Variants in ADARB2 observed in about 807,000 individuals in gnomAD.
ADARB2 encodes inactive double-stranded RNA-specific editase B2.
Under a neutral mutation model 62.2 loss-of-function variants are expected in ADARB2, and 25 were observed. The ratio of observed to expected loss-of-function variants is 0.40; its 90% confidence interval spans 0.29 to 0.56. The LOEUF is 0.56. Among genes scored for constraint, ADARB2 ranks in the 20% least tolerant of loss-of-function variants. ADARB2 has a pLI of 0.43. For synonymous variants in ADARB2, 572 were observed against 500.8 expected (o/e 1.14, Z -1.90); for missense variants, 1,071 against 1,077.4 (o/e 0.99, Z 0.08).
intron 1 of ADARB2, among the ~76,000 whole-genome samples, chr10:1,532,082 G>A (rs1020208071): frequency 3.3e-5 from 5 of 152,302 alleles, no homozygotes; most frequent in Admixed American, 6.5e-5. Context: ...CACTGTCCCC[G>A]AAGAGGTAAT....
At chr10:1,267,579 C>T (rs1831217498) in intron 4 of ADARB2, among the ~76,000 whole-genome samples, 1 of 152,034 alleles carries the variant, frequency 6.6e-6, no homozygotes. Flanking sequence ...TGACTTAGCA[C>T]GTATGGTAAA....
chr10:1,507,516 C>T (rs764490561), intron 1 of ADARB2, among the ~76,000 whole-genome samples: 8 of 152,228 alleles, frequency 5.3e-5, no homozygotes, highest in Admixed American at 1.3e-4. Context: ...TCCTTTACTA[C>T]GTGAATCTGA....
chr10:1,621,136 C>T (rs761763534), intron 1 of ADARB2, among the ~76,000 whole-genome samples: 3 of 152,148 alleles, frequency 2.0e-5, no homozygotes, highest in Non-Finnish European at 4.4e-5. Context: ...AATAAACAAA[C>T]ATGCCAATCA....
intron 3 of ADARB2, among the ~76,000 whole-genome samples, chr10:1,352,648 C>T (rs532378097): frequency 2.0e-5 from 3 of 152,236 alleles, no homozygotes; most frequent in Non-Finnish European, 4.4e-5. Flanking sequence ...ATGCTCAACT[C>T]ATTCTCTGCA....
intron 1 of ADARB2, among the ~76,000 whole-genome samples, chr10:1,610,742 G>A (rs1330183519): frequency 1.6e-5 from 2 of 123,362 alleles, no homozygotes; most frequent in East Asian, 4.3e-4. Context: ...ATGGAGATGG[G>A]CAGGCGCACA....
intron 6 of ADARB2, among the ~76,000 whole-genome samples, chr10:1,232,641 C>G (rs961926999): frequency 7.0e-6 from 1 of 142,904 alleles, no homozygotes. Flanking sequence ...TGTATGTGGT[C>G]TGTGTGTGGT....
At chr10:1,342,544 C>T (rs1589198030) in intron 3 of ADARB2, among the ~76,000 whole-genome samples, 3 of 152,302 alleles carry the variant, frequency 2.0e-5, no homozygotes, top group Admixed American at 2.0e-4. Context: ...TTGGAGATCG[C>T]AGACCCATGG....
intron 3 of ADARB2, among the ~76,000 whole-genome samples, chr10:1,334,792 G>A (rs1831958926): frequency 6.6e-6 from 1 of 152,166 alleles, no homozygotes; most frequent in Non-Finnish European, 1.5e-5. Context: ...GTGTGTAGCT[G>A]GGCCATTGCT....
At chr10:1,221,568 T>TGC (rs1830695774) in intron 6 of ADARB2, among the ~76,000 whole-genome samples, 2 of 128,644 alleles carry the variant, frequency 1.6e-5, no homozygotes, top group Admixed American at 8.3e-5. Flanking sequence ...CCCTCCCCCC[T>TGC]CACCCCACCC....
chr10:1,735,289 T>G (rs947136053), intron 1 of ADARB2, among the ~76,000 whole-genome samples: 18 of 152,230 alleles, frequency 1.2e-4, no homozygotes, highest in African/African-American at 4.3e-4. Flanking sequence ...AAGTTAAGTT[T>G]ATAGCAAATG....
chr10:1,708,545 G>A (rs939658563), intron 1 of ADARB2, among the ~76,000 whole-genome samples: 28 of 152,274 alleles, frequency 1.8e-4, no homozygotes, highest in Admixed American at 1.2e-3. Flanking sequence ...TAGTCAAGAC[G>A]CCAATCAAGA....
intron 1 of ADARB2, among the ~76,000 whole-genome samples, chr10:1,732,789 ATCTT>A (rs1348384751): frequency 2.6e-5 from 4 of 152,184 alleles, no homozygotes; most frequent in Admixed American, 1.3e-4. Context: ...CCTCAGCACA[ATCTT>A]TCTATTTCAT....
In ADARB2 at chr10:1,183,321, C is replaced by T; in HGVS notation, c.2092G>A (p.Glu698Lys). 2 of 1,614,220 alleles carry T rather than the reference C, an allele frequency of 1.2e-6. No homozygotes were observed. The highest frequency in any genetic ancestry group is 1.7e-6 in the Non-Finnish European group (2 of 1,180,056). ...SPGDTPSMYC[E>K]AKLGAHTYQS... is the part of the protein sequence containing the mutation. ...TAGGTGTGCGCCCCCAGCTTGGCCT[C>T]ACAGTACATGGAGGGCGTGTCTCCA... is the stretch of plus-strand genomic sequence containing the variant. Residue 698 changes from glutamate to lysine, a missense_variant, in exon 10 of 10, where the codon GAG (glutamate) becomes AAG (lysine). Coordinates refer to ENST00000381312, the MANE Select transcript of ADARB2 (RefSeq NM_018702.4).
intron 3 of ADARB2, among the ~76,000 whole-genome samples, chr10:1,328,996 TAAAAA>T (rs376461606): frequency 1.5e-4 from 11 of 75,676 alleles, no homozygotes; most frequent in Admixed American, 3.3e-4. Flanking sequence ...GACCCTGTCT[TAAAAA>T]AAAAAAAAAA....
intron 1 of ADARB2, among the ~76,000 whole-genome samples, chr10:1,584,086 CT>C (rs1423248091): frequency 6.6e-6 from 1 of 152,152 alleles, no homozygotes; most frequent in African/African-American, 2.4e-5. Context: ...ATGATGCTGA[CT>C]TTTTAGATAC....
At chr10:1,209,789 G>A (rs888779582) in intron 7 of ADARB2, among the ~76,000 whole-genome samples, 1 of 152,140 alleles carries the variant, frequency 6.6e-6, no homozygotes, top group African/African-American at 2.4e-5. Context: ...CTGTGCCCTG[G>A]TGCACTGAAT....
At chr10:1,357,964 A>C (rs1343420755) in intron 3 of ADARB2, among the ~76,000 whole-genome samples, 1 of 152,230 alleles carries the variant, frequency 6.6e-6, no homozygotes, top group Non-Finnish European at 1.5e-5. Flanking sequence ...AGCTCTGCTG[A>C]CTGTAAGTCT....
intron 1 of ADARB2, among the ~76,000 whole-genome samples, chr10:1,476,692 C>T (rs1831405535): frequency 6.6e-6 from 1 of 152,206 alleles, no homozygotes; most frequent in South Asian, 2.1e-4. Context: ...AGGCCATCGG[C>T]CTCACGAACT....
chr10:1,403,841 C>G (rs1228817821), intron 1 of ADARB2, among the ~76,000 whole-genome samples: 1 of 152,220 alleles, frequency 6.6e-6, no homozygotes, highest in Non-Finnish European at 1.5e-5. Context: ...TTGTAGTGCT[C>G]CTACAGTCCC....
Sources: allele counts gnomAD v4.1 joint callset (sites outside exome capture counted in the v4.1 genomes callset), GRCh38; gene constraint gnomAD v4.1.1; transcripts MANE v1.5; gene names NCBI Gene and HGNC (gene_info 2026-07-23, HGNC 2026-07-21).